Variants in NIN observed in about 807,000 individuals in gnomAD.
The protein encoded by NIN is glycogen synthase kinase 3 beta-interacting protein.
NIN carries 137 observed loss-of-function variants against 257.6 expected under a neutral mutation model. That is an observed-to-expected ratio of 0.53 (90% CI 0.46 to 0.61). NIN has a LOEUF of 0.61. NIN is among the 20% of genes least tolerant of loss of function. The probability of loss-of-function intolerance (pLI) is 0.00; values close to 1 mark genes in which losing one functional copy is unlikely to be tolerated. For synonymous variants in NIN, 918 were observed against 919.8 expected (o/e 1.00, Z 0.04); for missense variants, 2,439 against 2,501.2 (o/e 0.98, Z 0.53).
chr14:50,822,178 T>C (rs933119410), intron 2 of NIN, 101 bp from the exon 3 acceptor site: 5 of 817,158 alleles, frequency 6.1e-6, no homozygotes, highest in Non-Finnish European at 9.9e-6. Context: ...CACCAGTCTC[T>C]AGGGAATGCT....
rs1247369388 is a variant in NIN at position 50,741,791 on chromosome 14, T to C, written c.5302-63A>G. 2.6e-6 allele frequency: 4 copies of C among 1,549,468 alleles called. No homozygotes were observed. In the African/African-American group the frequency reaches 4.1e-5, roughly 16 times the overall value. On this transcript the variant is annotated intron_variant, in intron 24 of 30. Transcript: ENST00000530997. Reference sequence around the variant, plus strand: ...TCTTGTGGTCTCACCTCTAGCATGTTCAGGAATGAATAAGGACAAAAGAAC... The same window carrying C: ...TCTTGTGGTCTCACCTCTAGCATGTCCAGGAATGAATAAGGACAAAAGAAC...
At chr14:50,817,026 G>C (rs189220591) in intron 3 of NIN, among the ~76,000 whole-genome samples, 91 of 152,166 alleles carry the variant, frequency 6.0e-4, no homozygotes, top group African/African-American at 2.2e-3. Context: ...TTATCAATGG[G>C]GAACCACAGA....
chr14:50,732,022 T>A (rs2040734189), intron 28 of NIN, among the ~76,000 whole-genome samples: 1 of 152,174 alleles, frequency 6.6e-6, no homozygotes. Context: ...TTTTGTTGAG[T>A]GTTCAAAACA....
At chr14:50,796,623 T>C (rs903527656) in intron 4 of NIN, among the ~76,000 whole-genome samples, 1 of 152,216 alleles carries the variant, frequency 6.6e-6, no homozygotes, top group African/African-American at 2.4e-5. Context: ...TGTATGATGC[T>C]TGACCAGAGG....
intron 3 of NIN, 38 bp from the exon 4 acceptor site, chr14:50,806,856 C>T: frequency 9.4e-7 from 1 of 1,060,722 alleles, no homozygotes; most frequent in Non-Finnish European, 1.4e-6. Flanking sequence ...GTAATTTCCA[C>T]AGCTCTAAGA....
chr14:50,723,937 G>T (rs944644823), intron 30 of NIN: 3 of 365,204 alleles, frequency 8.2e-6, no homozygotes, highest in South Asian at 9.2e-5. Context: ...GGCACCAAAA[G>T]TTTTTTTTCT....
Position 50,752,582 on chromosome 14 carries a change from G to A in NIN, c.4886C>T (p.Ala1629Val). Reference protein sequence around the residue: ...CQKEKEPGNSALEEREQEKFN... With the variant: ...CQKEKEPGNSVLEEREQEKFN... The stretch of plus-strand genomic sequence containing the variant: ...CTTCTCTTGTTCCCGTTCCTCCAAT[G>A]CACTGTTTCCTGGCTCTTTTTCCTT... The change falls in exon 21 of 31, where the codon GCA (alanine) becomes GTA (valine). Residue 1629 changes from alanine (A) to valine (V), a missense_variant. Transcript: ENST00000530997. 6.2e-7 allele frequency: 1 copy of A among 1,613,950 alleles called. No homozygotes were observed. Among genetic ancestry groups the A allele is most frequent in the Non-Finnish European group, 8.5e-7 (1 of 1,179,932 alleles).
Position 50,798,882 on chromosome 14 carries a change from G to A in NIN, c.266-6001C>T, listed in dbSNP as rs181497443. 6.6e-3 allele frequency among the ~76,000 whole-genome samples: 1,012 copies of A among 152,266 alleles called. 11 individuals carry two copies. Among genetic ancestry groups the A allele is most frequent in the African/African-American group, 0.023 (952 of 41,552 alleles). On this transcript the variant is annotated intron_variant, in intron 4 of 30. Transcript: ENST00000530997. Reference sequence around the variant, plus strand: ...CAAACTCCACCTCCCAGGTTCAAGCGATTCTCCTGCCTCAGCCTCCCAAGT... The same window carrying A: ...CAAACTCCACCTCCCAGGTTCAAGCAATTCTCCTGCCTCAGCCTCCCAAGT...
intron 29 of NIN, 114 bp from the exon 30 acceptor site, chr14:50,726,180 G>C: frequency 1.3e-6 from 1 of 768,660 alleles, no homozygotes; most frequent in Non-Finnish European, 2.1e-6. Flanking sequence ...TTTGTAACAG[G>C]AAGGATGGAT....
At chr14:50,776,914 T>A (rs1364073345) in intron 7 of NIN, 35 bp downstream of exon 7, 8 of 1,568,180 alleles carry the variant, frequency 5.1e-6, no homozygotes, top group Non-Finnish European at 6.9e-6. Context: ...ACTTTTACCA[T>A]CATTATCATT....
upstream of NIN, among the ~76,000 whole-genome samples, chr14:50,831,331 C>A (rs1473137146): frequency 6.6e-6 from 1 of 152,094 alleles, no homozygotes; most frequent in Non-Finnish European, 1.5e-5. Flanking sequence ...AAGTTAGAAA[C>A]GCCGGGGCTC....
intron 14 of NIN, among the ~76,000 whole-genome samples, chr14:50,764,827 G>C (rs1265236025): frequency 6.6e-6 from 1 of 151,984 alleles, no homozygotes; most frequent in East Asian, 1.9e-4. Flanking sequence ...GAGAGATTAT[G>C]GCTAAGTGGA....
At chr14:50,830,705 G>T in intron 1 of NIN, 188 bp from the exon 2 acceptor site, 1 of 146,116 alleles carries the variant, frequency 6.8e-6, no homozygotes. Context: ...GCTGCAGCGC[G>T]CATCCTCCCC....
At chr14:50,735,358 C>G (rs917761350) in intron 28 of NIN, among the ~76,000 whole-genome samples, 158 bp downstream of exon 28, 1 of 152,198 alleles carries the variant, frequency 6.6e-6, no homozygotes, top group Non-Finnish European at 1.5e-5. Flanking sequence ...GCAAAGTTGT[C>G]TGTTAAACTT....
In NIN at chr14:50,730,010, G is replaced by A. The variant is rs1241844091; in HGVS notation, c.5878-287C>T. ...TAAGGGCACGATGTACATAATACATGTGAATTCTATTTCATTTTTTCTTAT... is the reference window on the plus strand; with the variant it reads ...TAAGGGCACGATGTACATAATACATATGAATTCTATTTCATTTTTTCTTAT... On this transcript the variant is annotated intron_variant, in intron 28 of 30. Coordinates refer to ENST00000530997, the MANE Select transcript of NIN (RefSeq NM_020921.4). 4.6e-5 allele frequency among the ~76,000 whole-genome samples: 7 copies of A among 152,122 alleles called. No individual in the cohort carries two copies. The East Asian group carries it at 1.2e-3, about 25-fold the overall frequency.
intron 28 of NIN, among the ~76,000 whole-genome samples, chr14:50,734,977 T>C (rs1253471163): frequency 2.0e-5 from 3 of 152,030 alleles, no homozygotes; most frequent in Non-Finnish European, 4.4e-5. Flanking sequence ...TAAGCCACCA[T>C]GTCCGGCCAC....
At chr14:50,751,443 A>G (rs540296828) in intron 21 of NIN, among the ~76,000 whole-genome samples, 1 of 152,112 alleles carries the variant, frequency 6.6e-6, no homozygotes, top group African/African-American at 2.4e-5. Context: ...GTATGCTGTC[A>G]TATTTTAAAA....
intron 25 of NIN, among the ~76,000 whole-genome samples, chr14:50,740,813 A>G (rs888182473): frequency 3.3e-5 from 5 of 152,242 alleles, no homozygotes; most frequent in African/African-American, 1.2e-4. Flanking sequence ...AAAAAGTTTC[A>G]CCAAGAGATA....
chr14:50,813,253 A>G (rs1157055943), intron 3 of NIN, among the ~76,000 whole-genome samples: 1 of 152,236 alleles, frequency 6.6e-6, no homozygotes, highest in African/African-American at 2.4e-5. Context: ...AAATCTTCAT[A>G]AATATACAAT....
Sources: gnomAD v4.1 joint callset for allele counts (sites outside exome capture counted in the v4.1 genomes callset) on GRCh38, gnomAD v4.1.1 for gene constraint, MANE v1.5 for transcripts, NCBI Gene and HGNC (gene_info 2026-07-23, HGNC 2026-07-21) for gene names.